Variants in RIMS2 observed in about 807,000 individuals in gnomAD.
The protein encoded by RIMS2 is regulating synaptic membrane exocytosis protein 2.
Under a neutral mutation model 174.4 loss-of-function variants are expected in RIMS2, and 59 were observed. That is an observed-to-expected ratio of 0.34 (90% CI 0.27 to 0.42). RIMS2 has a LOEUF of 0.42. Ranked by LOEUF, RIMS2 falls within the 10% of genes least tolerant of loss-of-function variation. RIMS2 has a pLI of 1.00. For synonymous variants in RIMS2, 606 were observed against 572.5 expected, an observed-to-expected ratio of 1.06 and a Z score of -0.84; for missense variants, 1,620 against 1,666.3, an observed-to-expected ratio of 0.97 and a Z score of 0.48.
chr8:103,786,558 A>G (rs547957833), intron 3 of RIMS2, among the ~76,000 whole-genome samples: 25 of 152,234 alleles, frequency 1.6e-4, no homozygotes, highest in Admixed American at 8.5e-4. Context: ...CAGGTTGTTC[A>G]GTTTTCATGT....
chr8:104,068,596 A>G (rs778647551), intron 19 of RIMS2: 17 of 1,548,396 alleles, frequency 1.1e-5, no homozygotes, highest in Non-Finnish European at 1.5e-5. Context: ...AGACTGGAAC[A>G]AGATTACCAT....
chr8:103,678,410 A>G (rs1275828534), intron 1 of RIMS2, among the ~76,000 whole-genome samples: 2 of 152,162 alleles, frequency 1.3e-5, no homozygotes, highest in Admixed American at 1.3e-4. Flanking sequence ...ATAATTACAT[A>G]CATGAACAAA....
intron 2 of RIMS2, among the ~76,000 whole-genome samples, chr8:103,709,819 A>G (rs117425607): frequency 0.015 from 2,320 of 152,026 alleles, 26 homozygotes; most frequent in Non-Finnish European, 0.024. Flanking sequence ...GTCTCTTTAT[A>G]TGTTGAGGGT....
Position 103,603,672 on chromosome 8 carries a change from T to C in RIMS2, c.177-93414T>C, listed in dbSNP as rs1430123026. ...TCTCCAGCACCTGTTGTTTCCTGAC[T>C]TTTTAATGATTGCCATTCTAACTGG... On this transcript the variant is annotated intron_variant, in intron 1 of 23. Transcript: ENST00000504942. Among the ~76,000 whole-genome samples the C allele has an allele frequency of 1.3e-4, 19 of 145,850 alleles. No homozygotes were observed. In the East Asian group the frequency reaches 3.7e-3, roughly 28 times the overall value.
intron 19 of RIMS2, among the ~76,000 whole-genome samples, chr8:104,194,435 T>C (rs1024750038): frequency 6.6e-6 from 1 of 152,228 alleles, no homozygotes; most frequent in African/African-American, 2.4e-5. Context: ...AAAGACTGAA[T>C]GTAAAATTAA....
intron 1 of RIMS2, among the ~76,000 whole-genome samples, chr8:103,615,563 A>T (rs1422918030): frequency 6.6e-6 from 1 of 152,144 alleles, no homozygotes; most frequent in Non-Finnish European, 1.5e-5. Context: ...AAGAGACAAA[A>T]AATCATTCAA....
rs566466051 is a variant in RIMS2, at chr8:104,239,479, G to A, written c.3335-5437G>A. ...AGGGCTCAACAACAACACCATCTGGGCCTTACCTGAGTATTTTTTGATGTC... is the reference window on the plus strand; with the variant it reads ...AGGGCTCAACAACAACACCATCTGGACCTTACCTGAGTATTTTTTGATGTC... On this transcript the variant is annotated intron_variant, in intron 19 of 23. Coordinates refer to ENST00000504942, the Ensembl canonical transcript of RIMS2. Among the ~76,000 whole-genome samples the A allele has an allele frequency of 6.1e-4, 93 of 152,146 alleles. 1 individual carries two copies. Among genetic ancestry groups the A allele is most frequent in the African/African-American group, 2.0e-3 (85 of 41,504 alleles).
intron 19 of RIMS2, among the ~76,000 whole-genome samples, chr8:104,175,977 A>G (rs2511639): frequency 0.69 from 105,300 of 151,920 alleles, 36,992 homozygotes; most frequent in East Asian, 0.95. Context: ...GGATGTGGCT[A>G]TGTCCGAAAC....
chr8:104,246,912 G>A (rs1375506201), intron 20 of RIMS2, among the ~76,000 whole-genome samples: 1 of 152,092 alleles, frequency 6.6e-6, no homozygotes, highest in African/African-American at 2.4e-5. Context: ...TGCTTTTACT[G>A]AGTGGGATGA....
At chr8:104,025,446 C>T (rs895729910) in intron 19 of RIMS2, among the ~76,000 whole-genome samples, 3 of 152,116 alleles carry the variant, frequency 2.0e-5, no homozygotes, top group Non-Finnish European at 4.4e-5. Context: ...GTGACTGCAC[C>T]ACCACACTCC....
chr8:103,820,410 C>G (rs150532107), intron 3 of RIMS2, among the ~76,000 whole-genome samples: 212 of 152,010 alleles, frequency 1.4e-3, no homozygotes, highest in Non-Finnish European at 2.5e-3. Flanking sequence ...GTGGAGAAGA[C>G]TGAGAAAGAA....
chr8:103,823,342 C>G (rs1242853015), intron 3 of RIMS2, among the ~76,000 whole-genome samples: 1 of 151,542 alleles, frequency 6.6e-6, no homozygotes, highest in African/African-American at 2.4e-5. Context: ...TTTTCAATTG[C>G]AAGTAAGATA....
At chr8:103,544,334 G>GCAGATATACGCTTACGCTTGTATA (rs1843949265) in intron 1 of RIMS2, among the ~76,000 whole-genome samples, 1 of 152,204 alleles carries the variant, frequency 6.6e-6, no homozygotes. Flanking sequence ...AACTCAGCTG[G>GCAGATATACGCTTACGCTTGTATA]TGGGTGCAGC....
rs114372000 is a variant in RIMS2 at position 103,897,807 on chromosome 8, C to T, written c.1624+11584C>T. ...ACTTGCCATAAATTGTATATGGCTT[C>T]TTTTCCCACCATAGATGCTTTTAAT... On this transcript the variant is annotated intron_variant, in intron 4 of 23. Coordinates refer to ENST00000504942, the Ensembl canonical transcript of RIMS2. Among the ~76,000 whole-genome samples, 144 of 151,734 alleles carry T rather than the reference C, an allele frequency of 9.5e-4. 2 individuals carry two copies. Among genetic ancestry groups the T allele is most frequent in the African/African-American group, 3.0e-3 (122 of 41,094 alleles).
rs982560907 is a variant in RIMS2 at position 103,697,102 on chromosome 8, T to G, written c.193T>G (p.Phe65Val). Residue 65 changes from phenylalanine (F) to valine (V), a missense_variant, in exon 2 of 24, where the codon TTT (phenylalanine) becomes GTT (valine). Around this residue, in one of 2 missense-constraint regions of RIMS2, gnomAD observed 1,395 missense variants for 1,360.1 expected, o/e 1.03. Transcript: ENST00000504942. ...TCTCTGCAGAAAACTGCATCAGCAG[T>G]TTGAAATGTATAAAGAGCAGGTAAA... 5 of 1,612,934 alleles carry G rather than the reference T, an allele frequency of 3.1e-6. No homozygotes were observed. In the Admixed American group the frequency reaches 6.7e-5, roughly 22 times the overall value.
At chr8:104,179,931 T>G (rs2098930297) in intron 19 of RIMS2, among the ~76,000 whole-genome samples, 1 of 151,856 alleles carries the variant, frequency 6.6e-6, no homozygotes. Context: ...CATACAGACT[T>G]TATCATACAT....
chr8:104,044,325 T>C (rs563904853), intron 19 of RIMS2, among the ~76,000 whole-genome samples: 1 of 151,598 alleles, frequency 6.6e-6, no homozygotes, highest in African/African-American at 2.4e-5. Flanking sequence ...TTGGAAGGAA[T>C]GAACCATGTA....
intron 19 of RIMS2, among the ~76,000 whole-genome samples, chr8:104,047,380 T>C (rs981363238): frequency 6.6e-6 from 1 of 152,120 alleles, no homozygotes; most frequent in African/African-American, 2.4e-5. Context: ...AAATATTTGT[T>C]CCTGTAAGAA....
chr8:103,598,659 G>A (rs2094568012), intron 1 of RIMS2, among the ~76,000 whole-genome samples: 1 of 152,104 alleles, frequency 6.6e-6, no homozygotes, highest in African/African-American at 2.4e-5. Context: ...TTGCCCAATT[G>A]GGGAGTGTTC....
Sources: gnomAD v4.1 joint callset for allele counts (sites outside exome capture counted in the v4.1 genomes callset) on GRCh38, gnomAD v4.1.1 for gene constraint, gnomAD v4.1.1 regional missense constraint, MANE v1.5 for transcripts, NCBI Gene and HGNC (gene_info 2026-07-23, HGNC 2026-07-21) for gene names.